The following PARP8 variants were observed in gnomAD, a reference collection of about 807,000 sequenced individuals.
PARP8 encodes poly(ADP-ribose) polymerase family member 8, also known as protein mono-ADP-ribosyltransferase PARP8.
Under a neutral mutation model 124.1 loss-of-function variants are expected in PARP8, and 51 were observed. That is an observed-to-expected ratio of 0.41 (90% CI 0.33 to 0.52). The LOEUF is 0.52. PARP8 is among the 20% of genes least tolerant of loss of function. PARP8 has a pLI of 0.21. For synonymous variants in PARP8, 391 were observed against 361.5 expected, an observed-to-expected ratio of 1.08 and a Z score of -0.93; for missense variants, 860 against 1,018.9, an observed-to-expected ratio of 0.84 and a Z score of 2.12.
chr5:50,711,548 G>A (rs1337985999), intron 2 of PARP8, among the ~76,000 whole-genome samples: 1 of 152,098 alleles, frequency 6.6e-6, no homozygotes, highest in Non-Finnish European at 1.5e-5. Context: ...GGCCACACGG[G>A]AAGTTAGCCC....
chr5:50,719,441 G>T (rs1433510749), intron 2 of PARP8, among the ~76,000 whole-genome samples: 11 of 152,110 alleles, frequency 7.2e-5, no homozygotes, highest in African/African-American at 2.6e-4. Context: ...TTTTCTTCTA[G>T]TAGTTTCATA....
At chr5:50,733,707 A>C (rs1263747162) in intron 2 of PARP8, among the ~76,000 whole-genome samples, 2 of 152,186 alleles carry the variant, frequency 1.3e-5, no homozygotes, top group Non-Finnish European at 2.9e-5. Flanking sequence ...ATTTTTCTAT[A>C]TCTGTGGTAA....
intron 9 of PARP8, among the ~76,000 whole-genome samples, chr5:50,780,489 G>T (rs1740547646): frequency 6.6e-6 from 1 of 152,002 alleles, no homozygotes; most frequent in Admixed American, 6.5e-5. Flanking sequence ...CTTATTTTTT[G>T]ATATAATCTT....
intron 2 of PARP8, among the ~76,000 whole-genome samples, chr5:50,723,876 T>A (rs1313884422): frequency 1.3e-5 from 2 of 152,142 alleles, no homozygotes; most frequent in African/African-American, 4.8e-5. Context: ...TGAAATTATT[T>A]TCTAAAATTT....
chr5:50,769,268 G>A (rs1168083176), intron 7 of PARP8, among the ~76,000 whole-genome samples: 1 of 151,000 alleles, frequency 6.6e-6, no homozygotes, highest in Non-Finnish European at 1.5e-5. Flanking sequence ...TGTAGATAAG[G>A]GTCGTACTGA....
At chr5:50,691,391 C>T (rs1752483251) in intron 2 of PARP8, among the ~76,000 whole-genome samples, 1 of 152,140 alleles carries the variant, frequency 6.6e-6, no homozygotes, top group African/African-American at 2.4e-5. Context: ...TCTCCTTAGA[C>T]GGGGTTAATC....
At chr5:50,757,932 G>C (rs992633431) in intron 3 of PARP8, among the ~76,000 whole-genome samples, 1 of 151,952 alleles carries the variant, frequency 6.6e-6, no homozygotes, top group Non-Finnish European at 1.5e-5. Context: ...TGGTCTAATG[G>C]TGCCTTCTAA....
intron 7 of PARP8, among the ~76,000 whole-genome samples, chr5:50,769,189 C>T (rs775172872): frequency 6.6e-6 from 1 of 151,890 alleles, no homozygotes; most frequent in African/African-American, 2.4e-5. Context: ...CATATATGCA[C>T]GTTCTGATTA....
chr5:50,739,781 G>A (rs1428212561), intron 2 of PARP8, among the ~76,000 whole-genome samples: 2 of 117,096 alleles, frequency 1.7e-5, no homozygotes, highest in African/African-American at 3.3e-5. Context: ...TGTCACCCAC[G>A]CTGGAGTGAG....
At chr5:50,684,761 A>C (rs1235979454) in intron 2 of PARP8, among the ~76,000 whole-genome samples, 1 of 152,178 alleles carries the variant, frequency 6.6e-6, no homozygotes, top group Non-Finnish European at 1.5e-5. Context: ...CTCTGAAGTC[A>C]GGAGCTTAGA....
chr5:50,795,523 A>G (rs1742443504), intron 12 of PARP8, 106 bp downstream of exon 12: 2 of 913,248 alleles, frequency 2.2e-6, no homozygotes, highest in Non-Finnish European at 3.2e-6. Context: ...ACTTTGTTTT[A>G]ATTTACTGTT....
chr5:50,724,074 G>A (rs112875890), intron 2 of PARP8, among the ~76,000 whole-genome samples: 4 of 152,036 alleles, frequency 2.6e-5, no homozygotes, highest in African/African-American at 9.6e-5. Context: ...CACCCTACTC[G>A]GCCTCCTGAG....
chr5:50,845,528 A>T lies in PARP8; in HGVS notation c.*3460A>T, dbSNP rs1228748460. On this transcript the variant is annotated 3_prime_UTR_variant, in exon 26 of 26. Coordinates refer to ENST00000281631, the MANE Select transcript of PARP8 (RefSeq NM_024615.4). ...GTTGGTAAGGTAAATTGGGTTTTCAATGTCAGGAACAAATAAAATTTTGCA... is the reference window on the plus strand; with the variant it reads ...GTTGGTAAGGTAAATTGGGTTTTCATTGTCAGGAACAAATAAAATTTTGCA... 2.0e-5 allele frequency: 3 copies of T among 151,796 alleles called. No individual in the cohort carries two copies. 9.4% of individuals were successfully genotyped at this position (151,796 alleles called of 1,614,324 possible).
intron 14 of PARP8, among the ~76,000 whole-genome samples, chr5:50,802,791 A>G (rs1743378077): frequency 6.6e-6 from 1 of 152,206 alleles, no homozygotes; most frequent in African/African-American, 2.4e-5. Flanking sequence ...AGAAAAAATC[A>G]GGAAAAAAAA....
Position 50,752,601 on chromosome 5 carries a change from C to T in PARP8, c.184+2413C>T, listed in dbSNP as rs1468892424. 9.2e-5 allele frequency among the ~76,000 whole-genome samples: 14 copies of T among 151,966 alleles called. No homozygotes were observed. In the East Asian group the frequency reaches 2.7e-3, roughly 29 times the overall value. ...TTCATATTTGTTCTTGTTCTTCCGT[C>T]CGTTGGTTTGTCTTCCAAATAGTTT... On this transcript the variant is annotated intron_variant, in intron 3 of 25. Coordinates refer to ENST00000281631, the MANE Select transcript of PARP8 (RefSeq NM_024615.4).
At chr5:50,715,094 C>A (rs1165271348) in intron 2 of PARP8, among the ~76,000 whole-genome samples, 2 of 152,026 alleles carry the variant, frequency 1.3e-5, no homozygotes, top group Non-Finnish European at 2.9e-5. Context: ...ATTCCCAACT[C>A]AAGCAGCATA....
chr5:50,828,523 T>C, intron 21 of PARP8, 139 bp downstream of exon 21: 1 of 712,508 alleles, frequency 1.4e-6, no homozygotes. Flanking sequence ...GTAGGCATAC[T>C]AGAACTGAAG....
intron 25 of PARP8, among the ~76,000 whole-genome samples, chr5:50,835,946 G>A (rs1236858941): frequency 5.9e-5 from 9 of 152,090 alleles, no homozygotes; most frequent in Non-Finnish European, 1.0e-4. Flanking sequence ...AGGATTTCAG[G>A]GAAGAGTTGA....
intron 2 of PARP8, among the ~76,000 whole-genome samples, chr5:50,748,145 T>C (rs191150358): frequency 3.3e-5 from 5 of 152,214 alleles, no homozygotes; most frequent in Admixed American, 1.3e-4. Flanking sequence ...TGATCCAAAA[T>C]GATTTTTAGA....
Sources: allele counts gnomAD v4.1 joint callset (sites outside exome capture counted in the v4.1 genomes callset), GRCh38; gene constraint gnomAD v4.1.1; transcripts MANE v1.5; gene names NCBI Gene and HGNC (gene_info 2026-07-23, HGNC 2026-07-21).